IL31RA: variants seen among roughly 807,000 people sequenced by gnomAD.
IL31RA encodes the protein interleukin 31 receptor A.
IL31RA carries 66 observed loss-of-function variants against 83.7 expected under a neutral mutation model. The observed-to-expected ratio is 0.79, with a 90% CI of 0.65 to 0.97. The LOEUF is 0.97. IL31RA is among the 50% of genes least tolerant of loss of function. The probability of loss-of-function intolerance (pLI) is 0.00; values close to 1 mark genes in which losing one functional copy is unlikely to be tolerated. For synonymous variants in IL31RA, 325 were observed against 329.0 expected (o/e 0.99, Z 0.13); for missense variants, 798 against 919.4 (o/e 0.87, Z 1.71).
chr5:55,881,496 C>G (rs907953461), intron 4 of IL31RA, among the ~76,000 whole-genome samples: 1 of 151,904 alleles, frequency 6.6e-6, no homozygotes, highest in Non-Finnish European at 1.5e-5. Context: ...CGTCCCATTT[C>G]CCTTGATTCT....
Position 55,906,103 on chromosome 5 carries a change from C to T in IL31RA, c.1070-3C>T. 1.2e-6 allele frequency: 2 copies of T among 1,613,342 alleles called. No individual in the cohort carries two copies. The highest frequency in any genetic ancestry group is 1.7e-6 in the Non-Finnish European group (2 of 1,179,896). ...GTGAAGCAGTCCTTTTCTCTCCTTT[C>T]AGCATTTCAGTGCATTGAGGTCATG... is the stretch of plus-strand genomic sequence containing the variant. On this transcript the variant is annotated splice_region_variant and splice_polypyrimidine_tract_variant and intron_variant, in intron 8 of 14. Transcript: ENST00000652347.
At chr5:55,859,398 A>T in intron 1 of IL31RA, 111 bp from the exon 2 acceptor site, 1 of 785,432 alleles carries the variant, frequency 1.3e-6, no homozygotes, top group South Asian at 1.4e-5. Flanking sequence ...CAAATAAAAT[A>T]AAATAGGATC....
chr5:55,901,584 G>GTAA (rs1748805532), intron 8 of IL31RA, among the ~76,000 whole-genome samples: 5 of 103,350 alleles, frequency 4.8e-5, no homozygotes, highest in Admixed American at 4.6e-4. Context: ...TATTACTATT[G>GTAA]TCATTATTAT....
At chr5:55,894,838 TC>T (rs1215086337) in intron 6 of IL31RA, among the ~76,000 whole-genome samples, 1 of 152,200 alleles carries the variant, frequency 6.6e-6, no homozygotes, top group Non-Finnish European at 1.5e-5. Flanking sequence ...TGCCTCAGCC[TC>T]CCGTGTAGCT....
intron 8 of IL31RA, among the ~76,000 whole-genome samples, chr5:55,900,345 A>G (rs900051487): frequency 2.0e-5 from 3 of 152,234 alleles, no homozygotes; most frequent in African/African-American, 7.2e-5. Flanking sequence ...GTTAAAAATC[A>G]GAGACTTTAT....
intron 2 of IL31RA, among the ~76,000 whole-genome samples, chr5:55,862,356 T>G (rs1292568819): frequency 6.6e-6 from 1 of 152,212 alleles, no homozygotes; most frequent in Non-Finnish European, 1.5e-5. Context: ...ATTCCAAATT[T>G]TATTTGGATT....
chr5:55,909,291 G>A (rs12513448), intron 11 of IL31RA: 31,986 of 152,382 alleles, frequency 0.21, 4,220 homozygotes, highest in East Asian at 0.48. Context: ...TTCATCAGTT[G>A]ATGAACATTT....
intron 1 of IL31RA, among the ~76,000 whole-genome samples, chr5:55,853,789 G>C (rs576398511): frequency 1.5e-4 from 23 of 152,230 alleles, no homozygotes; most frequent in Admixed American, 2.6e-4. Flanking sequence ...GTGAAGGATT[G>C]GGGAAAATAT....
chr5:55,908,275 A>G lies in IL31RA; in HGVS notation c.1365A>G (p.Glu455=), dbSNP rs1274824845. ...QAYAKEGVPS[E]GPETKVENIG... is the part of the protein sequence containing the mutation. ...CTCTGTCCTTTCCAGTTCCATCAGAAGGTCCTGAGACCAAGGTGGAGAACA... is the reference window on the plus strand; with the variant it reads ...CTCTGTCCTTTCCAGTTCCATCAGAGGGTCCTGAGACCAAGGTGGAGAACA... The change falls in exon 11 of 15, where the codon GAA becomes GAG. Residue 455 remains glutamate, a synonymous_variant. Transcript: ENST00000652347. 1 of 1,614,038 alleles carries G rather than the reference A, an allele frequency of 6.2e-7. No individual in the cohort carries two copies. Among genetic ancestry groups the G allele is most frequent in the Non-Finnish European group, 8.5e-7 (1 of 1,180,050 alleles).
intron 2 of IL31RA, 143 bp downstream of exon 2, chr5:55,859,742 G>A: frequency 1.4e-6 from 1 of 718,316 alleles, no homozygotes; most frequent in South Asian, 1.5e-5. Context: ...ATTTGTGTGT[G>A]TGTCTGTGTG....
In IL31RA at chr5:55,882,372, A is replaced by T. The variant is rs917764873; in HGVS notation, c.455-672A>T. 5.3e-5 allele frequency among the ~76,000 whole-genome samples: 8 copies of T among 152,364 alleles called. No homozygotes were observed. The East Asian group carries it at 1.5e-3, about 29-fold the overall frequency. On this transcript the variant is annotated intron_variant, in intron 4 of 14. Coordinates refer to ENST00000652347, the MANE Select transcript of IL31RA (RefSeq NM_139017.7). ...ATGCTGATTGCATAATGTTATTTTTAAAAAACAAAAGCTTTATTTAGCGTA... is the reference window on the plus strand; with the variant it reads ...ATGCTGATTGCATAATGTTATTTTTTAAAAACAAAAGCTTTATTTAGCGTA...
In IL31RA at chr5:55,919,160, C is replaced by T. The variant is rs904545368; in HGVS notation, c.*2040C>T. 1.3e-5 allele frequency among the ~76,000 whole-genome samples: 2 copies of T among 152,052 alleles called. No individual in the cohort carries two copies. The highest frequency in any genetic ancestry group is 2.9e-5 in the Non-Finnish European group (2 of 68,018). On this transcript the variant is annotated 3_prime_UTR_variant, in exon 15 of 15. Transcript: ENST00000652347. ...TCTAGCCTTGCCTCCTGTCTTGGCC[C>T]GAGGATGGGGGAGGGCACGGGTACC...
intron 7 of IL31RA, 144 bp from the exon 8 acceptor site, chr5:55,899,772 A>T (rs759335272): frequency 1.3e-4 from 91 of 691,344 alleles, no homozygotes; most frequent in Non-Finnish European, 1.9e-4. Flanking sequence ...GATCTTATTC[A>T]TCCCTGGAGG....
the IL31RA span, among the ~76,000 whole-genome samples, chr5:55,841,940 T>TA: frequency 0.011 from 1,566 of 145,966 alleles, 19 homozygotes; most frequent in African/African-American, 0.028. Flanking sequence ...TGTTTTTCTT[T>TA]AAAAAAAAAA....
At position 55,921,827 on chromosome 5, in the gene IL31RA, C is replaced by T. The variant is rs545791720; in HGVS notation, c.*4707C>T. On this transcript the variant is annotated 3_prime_UTR_variant, in exon 15 of 15. Coordinates refer to ENST00000652347, the MANE Select transcript of IL31RA (RefSeq NM_139017.7). ...CGTGCTCCTGGGGACATTGACAGACCAGCTGAGTTGCTAGAAATAAGAGGG... is the reference window on the plus strand; with the variant it reads ...CGTGCTCCTGGGGACATTGACAGACTAGCTGAGTTGCTAGAAATAAGAGGG... Among the ~76,000 whole-genome samples the T allele has an allele frequency of 6.6e-6, 1 of 152,168 alleles. No homozygotes were observed. Among genetic ancestry groups the T allele is most frequent in the African/African-American group, 2.4e-5 (1 of 41,438 alleles).
At chr5:55,896,251 C>G in intron 6 of IL31RA, 99 bp from the exon 7 acceptor site, 1 of 808,718 alleles carries the variant, frequency 1.2e-6, no homozygotes, top group Non-Finnish European at 2.2e-6. Flanking sequence ...CCCAATGGCT[C>G]CCTCAAGCAA....
intron 5 of IL31RA, among the ~76,000 whole-genome samples, chr5:55,883,841 G>A (rs1489936988): frequency 1.3e-5 from 2 of 152,196 alleles, no homozygotes; most frequent in Non-Finnish European, 2.9e-5. Flanking sequence ...TAGAAATAGA[G>A]GAGGAGCATA....
chr5:55,915,728 A>AC (rs901369452), intron 14 of IL31RA, among the ~76,000 whole-genome samples: 65 of 152,046 alleles, frequency 4.3e-4, no homozygotes, highest in African/African-American at 1.5e-3. Flanking sequence ...ACTGATTTAT[A>AC]CCCCCATTTA....
chr5:55,918,586 G>C lies in IL31RA; in HGVS notation c.*1466G>C, dbSNP rs991731516. 1.3e-5 allele frequency among the ~76,000 whole-genome samples: 2 copies of C among 152,136 alleles called. No individual in the cohort carries two copies. Among genetic ancestry groups the C allele is most frequent in the Admixed American group, 6.5e-5 (1 of 15,284 alleles). ...TCAATGGCGCAGCGTGCATGGGGCA[G>C]AGTTGGTCACTCAGTGGCATCCTCT... On this transcript the variant is annotated 3_prime_UTR_variant, in exon 15 of 15. Transcript: ENST00000652347.
Sources: allele counts gnomAD v4.1 joint callset (sites outside exome capture counted in the v4.1 genomes callset), GRCh38; gene constraint gnomAD v4.1.1; transcripts MANE v1.5; gene names NCBI Gene and HGNC (gene_info 2026-07-23, HGNC 2026-07-21).